The following OR9Q1 variants were observed in gnomAD, a reference collection of about 807,000 sequenced individuals.
OR9Q1 encodes olfactory receptor family 9 subfamily Q member 1.
For missense variants in OR9Q1, 374 were observed against 378.8 expected, an observed-to-expected ratio of 0.99 and a Z score of 0.11; for synonymous variants, 153 against 148.6, an observed-to-expected ratio of 1.03 and a Z score of -0.22.
intron 1 of OR9Q1, among the ~76,000 whole-genome samples, chr11:58,054,942 C>T (rs1334182194): frequency 1.3e-5 from 2 of 152,186 alleles, no homozygotes. Flanking sequence ...ACAAGAACAA[C>T]AAAACACAAT....
intron 2 of OR9Q1, among the ~76,000 whole-genome samples, chr11:58,063,944 A>C (rs184668171): frequency 1.3e-5 from 2 of 152,330 alleles, no homozygotes; most frequent in Non-Finnish European, 2.9e-5. Context: ...GGAAGGCTGC[A>C]AAGGAGGAAT....
chr11:58,050,573 G>A (rs1853264540), intron 1 of OR9Q1, among the ~76,000 whole-genome samples: 1 of 114,538 alleles, frequency 8.7e-6, no homozygotes, highest in Admixed American at 9.6e-5. Flanking sequence ...AAAAGCAATG[G>A]CAACAAAAGC....
At chr11:58,025,316 G>A (rs1852960655) in intron 1 of OR9Q1, among the ~76,000 whole-genome samples, 1 of 152,050 alleles carries the variant, frequency 6.6e-6, no homozygotes, top group African/African-American at 2.4e-5. Context: ...TGGGGTGCCC[G>A]CCGTGCTACT....
chr11:58,104,365 A>G (rs974745825), intron 2 of OR9Q1, among the ~76,000 whole-genome samples: 1 of 149,074 alleles, frequency 6.7e-6, no homozygotes, highest in African/African-American at 2.5e-5. Flanking sequence ...TTTTTTTTTA[A>G]TGTAAAACAT....
chr11:58,126,392 T>C (rs781211146), intron 2 of OR9Q1, among the ~76,000 whole-genome samples: 3 of 152,220 alleles, frequency 2.0e-5, no homozygotes, highest in African/African-American at 4.8e-5. Flanking sequence ...TCCTATAAGC[T>C]TTCATCAGCT....
intron 2 of OR9Q1, among the ~76,000 whole-genome samples, chr11:58,155,454 T>C (rs1854399139): frequency 6.6e-6 from 1 of 152,202 alleles, no homozygotes; most frequent in Non-Finnish European, 1.5e-5. Context: ...TACTTACTTT[T>C]AAGGAAGTGC....
intron 2 of OR9Q1, among the ~76,000 whole-genome samples, chr11:58,089,907 T>G (rs1333249192): frequency 1.3e-5 from 2 of 151,880 alleles, no homozygotes; most frequent in East Asian, 3.8e-4. Context: ...ATTCTCTTTG[T>G]TGCAATTGTG....
At chr11:58,116,429 A>T (rs1460832806) in intron 2 of OR9Q1, among the ~76,000 whole-genome samples, 1 of 152,172 alleles carries the variant, frequency 6.6e-6, no homozygotes, top group African/African-American at 2.4e-5. Flanking sequence ...AAGGATTGCC[A>T]AATTGTTTTA....
intron 2 of OR9Q1, among the ~76,000 whole-genome samples, chr11:58,061,731 T>C (rs1308034349): frequency 6.6e-6 from 1 of 152,200 alleles, no homozygotes; most frequent in Non-Finnish European, 1.5e-5. Flanking sequence ...TATTGCAAAA[T>C]GCTCAAGAAT....
chr11:58,074,698 G>A (rs1392585375), intron 2 of OR9Q1, among the ~76,000 whole-genome samples: 1 of 152,102 alleles, frequency 6.6e-6, no homozygotes, highest in African/African-American at 2.4e-5. Flanking sequence ...TGTCCTGAGT[G>A]GTATTGCCTA....
intron 2 of OR9Q1, among the ~76,000 whole-genome samples, chr11:58,122,091 G>A (rs1854039311): frequency 6.6e-6 from 1 of 152,156 alleles, no homozygotes; most frequent in Non-Finnish European, 1.5e-5. Context: ...TTGAACTTGT[G>A]ATGAGGCCCC....
At chr11:58,117,712 G>A (rs1326060024) in intron 2 of OR9Q1, 1 of 152,132 alleles carries the variant, frequency 6.6e-6, no homozygotes, top group Non-Finnish European at 1.5e-5. Context: ...CTGTTCCTGA[G>A]ACACGCAATA....
At chr11:58,139,648 G>A (rs1854224762) in intron 2 of OR9Q1, among the ~76,000 whole-genome samples, 1 of 152,044 alleles carries the variant, frequency 6.6e-6, no homozygotes. Flanking sequence ...ATTCCATGGT[G>A]TATATGTGCC....
At chr11:58,072,316 T>C (rs1853495779) in intron 2 of OR9Q1, 1 of 152,470 alleles carries the variant, frequency 6.6e-6, no homozygotes, top group Admixed American at 6.5e-5. Context: ...ATACATGAAA[T>C]TCACATCTAG....
At chr11:58,125,023 G>C (rs919387283) in intron 2 of OR9Q1, among the ~76,000 whole-genome samples, 13 of 152,120 alleles carry the variant, frequency 8.5e-5, no homozygotes, top group African/African-American at 2.9e-4. Flanking sequence ...GTCTAATCCA[G>C]GTCTGTCTTA....
chr11:58,107,930 T>A (rs551402796), intron 2 of OR9Q1, among the ~76,000 whole-genome samples: 1 of 152,250 alleles, frequency 6.6e-6, no homozygotes, highest in Non-Finnish European at 1.5e-5. Flanking sequence ...TAGTATCAAT[T>A]GAGACTACTT....
At chr11:58,025,010 TTTAC>T (rs1295780065) in intron 1 of OR9Q1, among the ~76,000 whole-genome samples, 1 of 152,154 alleles carries the variant, frequency 6.6e-6, no homozygotes, top group African/African-American at 2.4e-5. Context: ...CTTGCCCAAG[TTTAC>T]TTACTGTCTC....
chr11:58,059,840 A>C (rs1853363195), intron 2 of OR9Q1: 1 of 152,136 alleles, frequency 6.6e-6, no homozygotes, highest in Non-Finnish European at 1.5e-5. Context: ...AAGATGGCAG[A>C]ATACCATCAA....
At chr11:58,169,915 C>A (rs1242385999) in intron 2 of OR9Q1, among the ~76,000 whole-genome samples, 4 of 151,878 alleles carry the variant, frequency 2.6e-5, no homozygotes, top group Non-Finnish European at 5.9e-5. Context: ...CATGATCAAG[C>A]CATGGATTCT....
Sources: gnomAD v4.1 joint callset for allele counts (sites outside exome capture counted in the v4.1 genomes callset) on GRCh38, gnomAD v4.1.1 for gene constraint, MANE v1.5 for transcripts, NCBI Gene and HGNC (gene_info 2026-07-23, HGNC 2026-07-21) for gene names.